Variants in UGGT2 observed in about 807,000 individuals in gnomAD.
UGGT2 encodes UDP-glucose:glycoprotein glucosyltransferase 2.
A neutral mutation model predicts 192.1 loss-of-function variants in UGGT2; 180 were observed. The ratio of observed to expected loss-of-function variants is 0.94; its 90% CI spans 0.83 to 1.06. The LOEUF (loss-of-function observed/expected upper bound fraction) is 1.06. Ranked by LOEUF, UGGT2 falls within the 50% of genes least tolerant of loss-of-function variation. The pLI, the probability that UGGT2 is intolerant of heterozygous loss-of-function variation, is 0.00. For synonymous variants in UGGT2, 580 were observed against 591.0 expected, an observed-to-expected ratio of 0.98 and a Z score of 0.27; for missense variants, 1,849 against 1,795.7, an observed-to-expected ratio of 1.03 and a Z score of -0.54.
At chr13:96,016,585 G>C (rs568147956) in intron 4 of UGGT2, among the ~76,000 whole-genome samples, 18 of 152,236 alleles carry the variant, frequency 1.2e-4, no homozygotes, top group African/African-American at 4.1e-4. Flanking sequence ...AGATGCTCAG[G>C]AGGCAAGCAT....
At chr13:95,898,171 A>G (rs1371943966) in intron 22 of UGGT2, among the ~76,000 whole-genome samples, 1 of 152,036 alleles carries the variant, frequency 6.6e-6, no homozygotes, top group Non-Finnish European at 1.5e-5. Context: ...TTATCTCCCA[A>G]CTGGCTCCCT....
intron 31 of UGGT2, among the ~76,000 whole-genome samples, chr13:95,861,699 C>T (rs932463918): frequency 3.3e-5 from 5 of 152,022 alleles, no homozygotes; most frequent in African/African-American, 1.2e-4. Context: ...ATTGGGTAAA[C>T]AACTTAAATC....
In UGGT2 at chr13:95,883,085, T is replaced by C. The variant is rs145346179; in HGVS notation, c.3228+1406A>G. Among the ~76,000 whole-genome samples the C allele has an allele frequency of 1.5e-4, 23 of 152,306 alleles. No individual in the cohort carries two copies. The East Asian group carries it at 4.4e-3, about 29-fold the overall frequency. On this transcript the variant is annotated intron_variant, in intron 27 of 38. Coordinates refer to ENST00000376747, the MANE Select transcript of UGGT2 (RefSeq NM_020121.4). ...TTAGAAGATGGTTATGACTGAGTTT[T>C]AGGTTCTTTTTTGAGGTGGGTCCAG... is the stretch of plus-strand genomic sequence containing the variant.
Position 95,927,197 on chromosome 13 carries a change from T to C in UGGT2, c.2101+16A>G. 2 of 1,611,200 alleles carry C rather than the reference T, an allele frequency of 1.2e-6. No homozygotes were observed. On this transcript the variant is annotated intron_variant, in intron 18 of 38. Transcript: ENST00000376747. Reference sequence around the variant, plus strand: ...AACTCAATAAACATTTGTAGAACAGTATAGGATTATTTTACCTGATGTAGA... The same window carrying C: ...AACTCAATAAACATTTGTAGAACAGCATAGGATTATTTTACCTGATGTAGA...
intron 38 of UGGT2, among the ~76,000 whole-genome samples, chr13:95,819,353 C>A (rs1235966548): frequency 6.8e-6 from 1 of 147,668 alleles, no homozygotes; most frequent in Admixed American, 6.6e-5. Context: ...CCTTATTAGA[C>A]TGTCTAACAT....
intron 29 of UGGT2, among the ~76,000 whole-genome samples, chr13:95,874,802 C>G (rs192665847): frequency 6.6e-6 from 1 of 152,038 alleles, no homozygotes; most frequent in Non-Finnish European, 1.5e-5. Flanking sequence ...ACTGATCCTC[C>G]CACCTCAGCC....
At chr13:95,909,312 T>C (rs994688209) in intron 20 of UGGT2, among the ~76,000 whole-genome samples, 4 of 152,010 alleles carry the variant, frequency 2.6e-5, no homozygotes, top group East Asian at 1.9e-4. Flanking sequence ...CGTATGTTTA[T>C]TGCGGCATTA....
At chr13:95,902,425 C>G (rs2048130109) in intron 21 of UGGT2, among the ~76,000 whole-genome samples, 1 of 152,106 alleles carries the variant, frequency 6.6e-6, no homozygotes, top group East Asian at 1.9e-4. Context: ...GGGACTCTAT[C>G]TGCTTGTTCA....
At chr13:95,838,314 C>T (rs1486144765) in intron 36 of UGGT2, among the ~76,000 whole-genome samples, 1 of 152,104 alleles carries the variant, frequency 6.6e-6, no homozygotes, top group African/African-American at 2.4e-5. Context: ...CACTGAAATA[C>T]ATGAAGAGAT....
intron 20 of UGGT2, among the ~76,000 whole-genome samples, chr13:95,903,688 T>C (rs955637158): frequency 1.3e-5 from 2 of 152,208 alleles, no homozygotes; most frequent in African/African-American, 4.8e-5. Context: ...TTCCATCATA[T>C]GAATATACAG....
At chr13:96,052,730 T>C (rs1455188401) in intron 1 of UGGT2, among the ~76,000 whole-genome samples, 1 of 152,024 alleles carries the variant, frequency 6.6e-6, no homozygotes, top group Admixed American at 6.5e-5. Flanking sequence ...ACAGGAAAAA[T>C]ATTACCTTGC....
At chr13:95,840,131 A>T (rs1887708315) in intron 36 of UGGT2, among the ~76,000 whole-genome samples, 1 of 152,216 alleles carries the variant, frequency 6.6e-6, no homozygotes, top group South Asian at 2.1e-4. Context: ...GGACACAGGC[A>T]TGGGCAAAGA....
intron 38 of UGGT2, among the ~76,000 whole-genome samples, chr13:95,829,280 C>T (rs542920805): frequency 1.3e-4 from 20 of 152,272 alleles, no homozygotes; most frequent in African/African-American, 3.6e-4. Context: ...TGCCCTCTCT[C>T]GCCACTCCTA....
intron 20 of UGGT2, among the ~76,000 whole-genome samples, chr13:95,917,926 C>A (rs1215749941): frequency 2.0e-5 from 3 of 152,168 alleles, no homozygotes; most frequent in Non-Finnish European, 4.4e-5. Context: ...TAGACTCCCA[C>A]ACAATAATAG....
intron 10 of UGGT2, among the ~76,000 whole-genome samples, chr13:95,972,896 C>T (rs767588230): frequency 5.3e-5 from 8 of 152,330 alleles, no homozygotes; most frequent in Non-Finnish European, 1.0e-4. Flanking sequence ...TTAGGCCAGG[C>T]GTGGCGGCTT....
In UGGT2 at chr13:95,945,706, G is replaced by A. The variant is rs559630830; in HGVS notation, c.1677+1331C>T. Among the ~76,000 whole-genome samples the A allele has an allele frequency of 5.3e-5, 8 of 152,138 alleles. 1 individual carries two copies. Among genetic ancestry groups the A allele is most frequent in the South Asian group, 2.1e-4 (1 of 4,824 alleles). On this transcript the variant is annotated intron_variant, in intron 15 of 38. Transcript: ENST00000376747. ...TGAATCTTGAATCTTAATAAAAGAT[G>A]TAACTCAAATTGACTATGTCCCTTA...
At chr13:95,902,598 G>A (rs964321648) in intron 21 of UGGT2, among the ~76,000 whole-genome samples, 6 of 150,992 alleles carry the variant, frequency 4.0e-5, no homozygotes, top group Non-Finnish European at 8.8e-5. Flanking sequence ...CTTCACTTAA[G>A]TACATATCCT....
intron 1 of UGGT2, among the ~76,000 whole-genome samples, chr13:96,052,578 T>C (rs530275526): frequency 2.0e-5 from 3 of 152,314 alleles, no homozygotes; most frequent in African/African-American, 7.2e-5. Context: ...CATTAAGTCA[T>C]TGGTGTAAAA....
chr13:95,812,520 ACAT>A (rs1380402335), intron 38 of UGGT2, among the ~76,000 whole-genome samples: 2 of 152,230 alleles, frequency 1.3e-5, no homozygotes, highest in East Asian at 1.9e-4. Context: ...GTCTATATAA[ACAT>A]CAGATAATGC....
Sources: allele counts gnomAD v4.1 joint callset (sites outside exome capture counted in the v4.1 genomes callset), GRCh38; gene constraint gnomAD v4.1.1; transcripts MANE v1.5; gene names NCBI Gene and HGNC (gene_info 2026-07-23, HGNC 2026-07-21).